KRT37: variants seen among roughly 807,000 people sequenced by gnomAD.
KRT37 encodes keratin 37.
In KRT37, 38 loss-of-function variants were observed where a neutral mutation model predicts 41.9. The ratio of observed to expected loss-of-function variants is 0.91; its 90% CI spans 0.70 to 1.19. The LOEUF is 1.19. Ranked by LOEUF, KRT37 falls within the 50% of genes most tolerant of loss-of-function variation. The probability of loss-of-function intolerance (pLI) is 0.00; values close to 1 mark genes in which losing one functional copy is unlikely to be tolerated. For synonymous variants in KRT37, 252 were observed against 243.4 expected (o/e 1.04, Z -0.33); for missense variants, 580 against 575.5 (o/e 1.01, Z -0.08).
chr17:41,422,238 G>T (rs748206474), intron 4 of KRT37, 35 bp downstream of exon 4: 1 of 1,613,740 alleles, frequency 6.2e-7, no homozygotes, highest in South Asian at 1.1e-5. Context: ...TCAGATGGAG[G>T]CCAGGTACTC....
Position 41,422,437 on chromosome 17 carries a change from G to T in KRT37, c.733-3C>A, listed in dbSNP as rs566415153. ...TGACTCCTCAGAATCTTTACTTCCT[G>T]CAGAAATGGAAGCGATAGACAGCCT... is the stretch of plus-strand genomic sequence containing the variant. On this transcript the variant is annotated splice_polypyrimidine_tract_variant and splice_region_variant and intron_variant, in intron 3 of 6. Coordinates refer to ENST00000225550, the MANE Select transcript of KRT37 (RefSeq NM_003770.5). 2 of 1,614,032 alleles carry T rather than the reference G, an allele frequency of 1.2e-6. No homozygotes were observed. The highest frequency in any genetic ancestry group is 2.7e-5 in the African/African-American group (2 of 75,054).
chr17:41,422,172 G>T lies in KRT37; in HGVS notation c.917C>A (p.Ala306Asp), dbSNP rs2071607. 269,954 of 1,612,572 alleles carry T rather than the reference G, an allele frequency of 0.17. 24,231 individuals carry two copies. Among genetic ancestry groups the T allele is most frequent in the East Asian group, 0.3 (13,552 of 44,808 alleles). ...QAQSEGISLQ[A>D]MSCSEELQCC... is the part of the protein sequence containing the mutation. Reference sequence around the variant, plus strand: ...CTGCAGCTCCTCGGAGCAGGACATGGCCTGCAGGCTGATGCCTTCAGACTG... The same window carrying T: ...CTGCAGCTCCTCGGAGCAGGACATGTCCTGCAGGCTGATGCCTTCAGACTG... The change falls in exon 5 of 7, where the codon GCC (alanine) becomes GAC (aspartate). Residue 306 changes from alanine to aspartate, a missense_variant. Transcript: ENST00000225550.
rs2018526521 is a variant in KRT37 at position 41,420,622 on chromosome 17, G to C, written c.*256C>G. On this transcript the variant is annotated 3_prime_UTR_variant, in exon 7 of 7. Coordinates refer to ENST00000225550, the MANE Select transcript of KRT37 (RefSeq NM_003770.5). The stretch of plus-strand genomic sequence containing the variant: ...CATTTTTGGAGATTCTGAAACACTG[G>C]AATAGAACTAAAAGTACCAAGAAGA... 2.4e-6 allele frequency: 1 copy of C among 419,114 alleles called. No homozygotes were observed. The highest frequency in any genetic ancestry group is 4.2e-6 in the Non-Finnish European group (1 of 236,682). The allele number at this position is 419,114 out of a possible 1,614,324, so 26.0% of individuals were successfully genotyped here.
At position 41,424,122 on chromosome 17, in the gene KRT37, G is replaced by A; in HGVS notation, c.402C>T (p.Thr134=). 1 of 1,614,258 alleles carries A rather than the reference G, an allele frequency of 6.2e-7. No individual in the cohort carries two copies. Among genetic ancestry groups the A allele is most frequent in the Non-Finnish European group, 8.5e-7 (1 of 1,180,048 alleles). ...QLEQENAELE[T]TLLERSKCHE... ...GGCACTTGCTCCTCTCGAGGAGTGT[G>A]GTCTCCAGCTCTGCATTCTCCTGCT... The change falls in exon 1 of 7, where the codon ACC becomes ACT. Residue 134 remains threonine (T), a synonymous_variant. Transcript: ENST00000225550.
At position 41,421,528 on chromosome 17, in the gene KRT37, G is replaced by A. The variant is rs372151417; in HGVS notation, c.1080C>T (p.Ala360=). The A allele has an allele frequency of 3.7e-6, 6 of 1,614,202 alleles. No homozygotes were observed. Among genetic ancestry groups the A allele is most frequent in the Non-Finnish European group, 4.2e-6 (5 of 1,180,038 alleles). ...EAEDRYGTEL[A]QMQSLISNLE... ...AGTTGCTAATGAGGCTCTGCATCTG[G>A]GCCAGCTCTGTGCCGTAGCGGTCCT... is the stretch of plus-strand genomic sequence containing the variant. The change falls in exon 6 of 7, where the codon GCC becomes GCT. Residue 360 remains alanine, a synonymous_variant. Transcript: ENST00000225550.
chr17:41,424,292 G>A lies in KRT37; in HGVS notation c.232C>T (p.Pro78Ser), dbSNP rs1170728942. The part of the protein sequence containing the change: ...CLPPTSHTAC[P>S]LPGTCHIPGN... ...GGAATGTGACAGGTCCCTGGCAAGG[G>A]ACAAGCAGTGTGACTGGTTGGGGGC... is the stretch of plus-strand genomic sequence containing the variant. Residue 78 changes from proline (P) to serine (S), a missense_variant, in exon 1 of 7, where the codon CCC becomes TCC. By Grantham distance (74) the Pro-to-Ser change is moderately conservative (BLOSUM62 -1). Transcript: ENST00000225550. 4 of 1,614,220 alleles carry A rather than the reference G, an allele frequency of 2.5e-6. No individual in the cohort carries two copies. The highest frequency in any genetic ancestry group is 1.7e-4 in the Middle Eastern group (1 of 6,060).
Position 41,422,839 on chromosome 17 carries a change from A to C in KRT37, c.671T>G (p.Leu224Arg). ...LDDATLAKADLEAQQESLKEE... is the reference protein window; with the variant it reads ...LDDATLAKADREAQQESLKEE... ...CTTCAGGGACTCCTGCTGGGCCTCC[A>C]GGTCGGCCTTGGCCAGGGTCGCGTC... Residue 224 changes from leucine to arginine, a missense_variant, in exon 3 of 7, where the codon CTG becomes CGG. Transcript: ENST00000225550. 1.2e-6 allele frequency: 2 copies of C among 1,614,054 alleles called. No individual in the cohort carries two copies. Among genetic ancestry groups the C allele is most frequent in the Non-Finnish European group, 1.7e-6 (2 of 1,179,992 alleles).
Position 41,424,250 on chromosome 17 carries a change from A to G in KRT37, c.274T>C (p.Cys92Arg). 6.2e-7 allele frequency: 1 copy of G among 1,614,206 alleles called. No homozygotes were observed. Among genetic ancestry groups the G allele is most frequent in the Non-Finnish European group, 8.5e-7 (1 of 1,180,022 alleles). ...TCHIPGNIGICGAYGKNTLNG... is the reference protein window; with the variant it reads ...TCHIPGNIGIRGAYGKNTLNG... The stretch of plus-strand genomic sequence containing the variant: ...AGGGTGTTTTTGCCGTAGGCCCCAC[A>G]GATTCCGATGTTGCCGGGAATGTGA... Residue 92 changes from cysteine (C) to arginine (R), a missense_variant, in exon 1 of 7, where the codon TGT becomes CGT. Cys to Arg is a radical substitution (Grantham distance 180, BLOSUM62 -3). Transcript: ENST00000225550.
At position 41,421,464 on chromosome 17, in the gene KRT37, G is replaced by A. The variant is rs200307221; in HGVS notation, c.1144C>T (p.Arg382Trp). ...QLSEIRADLERQNQEYQVLLD... is the reference protein window; with the variant it reads ...QLSEIRADLEWQNQEYQVLLD... ...AGCACCTGGTACTCCTGGTTCTGCC[G>A]CTCCAGGTCGGCCCGGATCTCAGAC... is the stretch of plus-strand genomic sequence containing the variant. Residue 382 changes from arginine to tryptophan, a missense_variant, in exon 6 of 7, where the codon CGG becomes TGG. Physicochemically the swap from Arg to Trp is moderately radical, Grantham distance 101 (BLOSUM62 -3). Coordinates refer to ENST00000225550, the MANE Select transcript of KRT37 (RefSeq NM_003770.5). 2.5e-5 allele frequency: 41 copies of A among 1,614,194 alleles called. No homozygotes were observed. Among genetic ancestry groups the A allele is most frequent in the East Asian group, 6.7e-5 (3 of 44,886 alleles).
chr17:41,424,532 G>A lies in KRT37; in HGVS notation c.-9C>T, dbSNP rs73983422. The A allele has an allele frequency of 6.3e-4, 980 of 1,555,794 alleles. 1 individual carries two copies. The highest frequency in any genetic ancestry group is 8.1e-4 in the Non-Finnish European group (925 of 1,147,876). ...CTGTAGAAGGAGGTCATGGTGTAGG[G>A]CTGAGGCTGCACAGGAGCTTCAGAT... is the stretch of plus-strand genomic sequence containing the variant. On this transcript the variant is annotated 5_prime_UTR_variant, in exon 1 of 7. Coordinates refer to ENST00000225550, the MANE Select transcript of KRT37 (RefSeq NM_003770.5).
chr17:41,423,341 C>A, intron 2 of KRT37: 1 of 238,618 alleles, frequency 4.2e-6, no homozygotes, highest in Non-Finnish European at 8.0e-6. Flanking sequence ...CTTGCTTTTC[C>A]CCTTCATTCA....
rs539555306 is a variant in KRT37, at chr17:41,421,504, G to A, written c.1104C>T (p.Asn368=). The part of the protein sequence containing the change: ...ELAQMQSLIS[N]LEEQLSEIRA... Reference sequence around the variant, plus strand: ...GGATCTCAGACAACTGCTCTTCCAAGTTGCTAATGAGGCTCTGCATCTGGG... The same window carrying A: ...GGATCTCAGACAACTGCTCTTCCAAATTGCTAATGAGGCTCTGCATCTGGG... The change falls in exon 6 of 7, where the codon AAC becomes AAT. Residue 368 remains asparagine (N), a synonymous_variant. Transcript: ENST00000225550. The A allele has an allele frequency of 6.2e-7, 1 of 1,614,244 alleles. No homozygotes were observed. The highest frequency in any genetic ancestry group is 2.2e-5 in the East Asian group (1 of 44,886).
chr17:41,423,340 C>T (rs2018570246), intron 2 of KRT37: 1 of 238,892 alleles, frequency 4.2e-6, no homozygotes, highest in Admixed American at 5.3e-5. Context: ...TCTTGCTTTT[C>T]CCCTTCATTC....
chr17:41,424,129 A>AG lies in KRT37; in HGVS notation c.394dup (p.Leu132ProfsTer40). The AG allele has an allele frequency of 1.2e-6, 2 of 1,614,238 alleles. No homozygotes were observed. The highest frequency in any genetic ancestry group is 3.3e-5 in the Admixed American group (2 of 60,028). ...GCTCCTCTCGAGGAGTGTGGTCTCC[A>AG]GCTCTGCATTCTCCTGCTCCAGCTG... On this transcript the variant is annotated frameshift_variant, in exon 1 of 7. Transcript: ENST00000225550. LOFTEE classifies it high-confidence loss of function.
In KRT37 at chr17:41,422,176, G is replaced by T; in HGVS notation, c.913C>A (p.Gln305Lys). Residue 305 changes from glutamine (Q) to lysine (K), a missense_variant, in exon 5 of 7, where the codon CAG becomes AAG. By Grantham distance (53) the Gln-to-Lys change is moderately conservative. Coordinates refer to ENST00000225550, the MANE Select transcript of KRT37 (RefSeq NM_003770.5). ...FQAQSEGISL[Q>K]AMSCSEELQC... Reference sequence around the variant, plus strand: ...AGCTCCTCGGAGCAGGACATGGCCTGCAGGCTGATGCCTTCAGACTGGAGC... The same window carrying T: ...AGCTCCTCGGAGCAGGACATGGCCTTCAGGCTGATGCCTTCAGACTGGAGC... 2 of 1,614,148 alleles carry T rather than the reference G, an allele frequency of 1.2e-6. No homozygotes were observed. The highest frequency in any genetic ancestry group is 1.7e-6 in the Non-Finnish European group (2 of 1,180,020).
rs1177158748 is a variant in KRT37, at chr17:41,422,881, G to GTCC, written c.626_628dup (p.Gly209_Thr210insArg). 2.5e-6 allele frequency: 4 copies of GTCC among 1,614,026 alleles called. No homozygotes were observed. The African/African-American group carries it at 5.3e-5, about 22-fold the overall frequency. On this transcript the variant is annotated inframe_insertion, in exon 3 of 7. Coordinates refer to ENST00000225550, the MANE Select transcript of KRT37 (RefSeq NM_003770.5). ...GGTCGCGTCATCCAGGAGCTTCTGC[G>GTCC]TCCCGCACTTGTCCGCCTCCACCAG...
At chr17:41,421,975 T>C (rs2018544753) in intron 5 of KRT37, 94 bp downstream of exon 5, 2 of 1,592,732 alleles carry the variant, frequency 1.3e-6, no homozygotes, top group African/African-American at 1.3e-5. Context: ...CTTGACTTAA[T>C]GTTGAAGGAA....
Position 41,420,839 on chromosome 17 carries a change from G to C in KRT37, c.*39C>G, listed in dbSNP as rs377089929. On this transcript the variant is annotated 3_prime_UTR_variant, in exon 7 of 7. Transcript: ENST00000225550. ...CAAGGTGAGGGCACTCCTGACCCCA[G>C]TGCAACCAGCCTCAATCTCCTAACT... 2.3e-5 allele frequency: 33 copies of C among 1,446,082 alleles called. No individual in the cohort carries two copies. Among genetic ancestry groups the C allele is most frequent in the Non-Finnish European group, 2.4e-5 (25 of 1,030,532 alleles). The allele number at this position is 1,446,082 out of a possible 1,614,324, so 89.6% of individuals were successfully genotyped here. A position where few individuals can be genotyped will look rare whatever the true frequency, so the allele number is the denominator to read the frequency against.
chr17:41,423,711 T>C (rs2018573596), intron 2 of KRT37, 51 bp downstream of exon 2: 5 of 1,561,604 alleles, frequency 3.2e-6, no homozygotes, highest in African/African-American at 1.4e-5. Flanking sequence ...GGCGGGCCCT[T>C]GGAAATACAG....
Sources: gnomAD v4.1 joint callset for allele counts on GRCh38, gnomAD v4.1.1 for gene constraint, MANE v1.5 for transcripts, NCBI Gene and HGNC (gene_info 2026-07-23, HGNC 2026-07-21) for gene names.